Variants in CACNA2D1 observed in about 807,000 individuals in gnomAD.
The protein encoded by CACNA2D1 is voltage-dependent calcium channel subunit alpha-2/delta-1.
A neutral mutation model predicts 171.5 loss-of-function variants in CACNA2D1; 53 were observed. The observed-to-expected ratio is 0.31, with a 90% CI of 0.25 to 0.39. The LOEUF is 0.39. Ranked by LOEUF, CACNA2D1 falls within the 10% of genes least tolerant of loss-of-function variation. CACNA2D1 has a pLI of 1.00. For synonymous variants in CACNA2D1, 442 were observed against 443.1 expected (o/e 1.00, Z 0.03); for missense variants, 903 against 1,299.8 (o/e 0.69, Z 4.69).
At chr7:82,048,817 T>A (rs749208188) in intron 10 of CACNA2D1, among the ~76,000 whole-genome samples, 5 of 152,156 alleles carry the variant, frequency 3.3e-5, no homozygotes, top group East Asian at 1.9e-4. Flanking sequence ...AACTATAATT[T>A]AAAAAATTTC....
At chr7:82,350,363 C>G (rs959197123) in intron 1 of CACNA2D1, among the ~76,000 whole-genome samples, 1 of 152,104 alleles carries the variant, frequency 6.6e-6, no homozygotes, top group Non-Finnish European at 1.5e-5. Context: ...GAGCCTGAAG[C>G]TTAAGAATAT....
At chr7:82,049,055 G>T (rs1306067934) in intron 10 of CACNA2D1, among the ~76,000 whole-genome samples, 1 of 146,616 alleles carries the variant, frequency 6.8e-6, no homozygotes, top group Non-Finnish European at 1.5e-5. Context: ...AATACTTATT[G>T]TACTTGTCAA....
intron 3 of CACNA2D1, among the ~76,000 whole-genome samples, chr7:82,192,976 G>A (rs541250937): frequency 4.0e-5 from 6 of 151,818 alleles, no homozygotes; most frequent in African/African-American, 1.4e-4. Context: ...TATGAAGGTC[G>A]TCTTGAAAGC....
intron 12 of CACNA2D1, among the ~76,000 whole-genome samples, chr7:82,020,345 C>T (rs1801034001): frequency 6.6e-6 from 1 of 152,166 alleles, no homozygotes; most frequent in Non-Finnish European, 1.5e-5. Flanking sequence ...CATCTTGACT[C>T]TGCCACTTAG....
chr7:82,429,952 C>T (rs1240798021), intron 1 of CACNA2D1, among the ~76,000 whole-genome samples: 1 of 152,124 alleles, frequency 6.6e-6, no homozygotes, highest in Non-Finnish European at 1.5e-5. Flanking sequence ...CTTCCTGAGG[C>T]TTCATATGGC....
At chr7:81,953,862 C>A (rs1792894489) in intron 38 of CACNA2D1, among the ~76,000 whole-genome samples, 1 of 151,822 alleles carries the variant, frequency 6.6e-6, no homozygotes, top group Non-Finnish European at 1.5e-5. Flanking sequence ...TCTCTTTGGC[C>A]CTTATTTCAC....
intron 2 of CACNA2D1, 107 bp downstream of exon 2, chr7:82,349,461 G>T: frequency 2.2e-6 from 2 of 923,692 alleles, no homozygotes; most frequent in East Asian, 2.4e-5. Flanking sequence ...AGATCCACAT[G>T]AGAAATCATA....
chr7:82,061,086 G>A (rs890621331), intron 9 of CACNA2D1, among the ~76,000 whole-genome samples: 10 of 152,064 alleles, frequency 6.6e-5, no homozygotes, highest in Admixed American at 1.3e-4. Flanking sequence ...CTCAACTCTA[G>A]GCAACTAACC....
chr7:81,985,768 T>C (rs775222849), intron 21 of CACNA2D1, among the ~76,000 whole-genome samples: 12 of 152,158 alleles, frequency 7.9e-5, no homozygotes, highest in Non-Finnish European at 1.6e-4. Context: ...GTCTTGAGTT[T>C]TGTAGTTAAC....
intron 3 of CACNA2D1, among the ~76,000 whole-genome samples, chr7:82,330,614 T>A (rs997985893): frequency 1.3e-5 from 2 of 152,142 alleles, no homozygotes; most frequent in Admixed American, 6.6e-5. Flanking sequence ...TGAAAATTGT[T>A]TAAATACCAT....
intron 3 of CACNA2D1, among the ~76,000 whole-genome samples, chr7:82,186,252 AAGAAAGG>A (rs1317766647): frequency 2.2e-4 from 25 of 114,524 alleles, no homozygotes; most frequent in South Asian, 1.5e-3. Context: ...GGAAGGAAGG[AAGAAAGG>A]AAGGAAGGAA....
At position 82,055,828 on chromosome 7, in the gene CACNA2D1, G is replaced by A. The variant is rs538785816; in HGVS notation, c.879+4600C>T. Reference sequence around the variant, plus strand: ...ACCTAATGCTAAATGACGAGTTAATGGGTGCAGCACACCAACATGGCACAT... The same window carrying A: ...ACCTAATGCTAAATGACGAGTTAATAGGTGCAGCACACCAACATGGCACAT... On this transcript the variant is annotated intron_variant, in intron 10 of 38. Coordinates refer to ENST00000356860, the MANE Select transcript of CACNA2D1 (RefSeq NM_000722.4). Among the ~76,000 whole-genome samples, 9 of 147,006 alleles carry A rather than the reference G, an allele frequency of 6.1e-5. No homozygotes were observed. In the East Asian group the frequency reaches 6.2e-4, roughly 10 times the overall value.
intron 26 of CACNA2D1, among the ~76,000 whole-genome samples, chr7:81,971,402 G>A (rs1795256915): frequency 6.6e-6 from 1 of 151,540 alleles, no homozygotes; most frequent in Non-Finnish European, 1.5e-5. Context: ...AAAATGGGGT[G>A]GAGAAGAGAT....
intron 3 of CACNA2D1, among the ~76,000 whole-genome samples, chr7:82,205,180 C>T (rs1799885806): frequency 6.6e-6 from 1 of 152,136 alleles, no homozygotes; most frequent in South Asian, 2.1e-4. Context: ...CACCCACTCC[C>T]CTTGGTCCTT....
intron 1 of CACNA2D1, among the ~76,000 whole-genome samples, chr7:82,415,514 G>T (rs892669375): frequency 1.3e-5 from 2 of 151,766 alleles, no homozygotes; most frequent in Non-Finnish European, 2.9e-5. Context: ...TGGGCGACAA[G>T]AGTGAAACTC....
chr7:81,951,431 T>C (rs571089755), intron 38 of CACNA2D1, among the ~76,000 whole-genome samples: 11 of 152,172 alleles, frequency 7.2e-5, no homozygotes, highest in African/African-American at 2.6e-4. Flanking sequence ...ATTTCTGAGA[T>C]TTTGGTGCAC....
intron 3 of CACNA2D1, among the ~76,000 whole-genome samples, chr7:82,200,131 T>C (rs1487060863): frequency 6.6e-6 from 1 of 152,150 alleles, no homozygotes; most frequent in East Asian, 1.9e-4. Context: ...CAAACACACA[T>C]ATACGTATGT....
chr7:82,188,186 T>G (rs2129181636), intron 3 of CACNA2D1, among the ~76,000 whole-genome samples: 1 of 152,156 alleles, frequency 6.6e-6, no homozygotes, highest in African/African-American at 2.4e-5. Context: ...TTAGGTTTCA[T>G]CATAGGAATT....
intron 10 of CACNA2D1, among the ~76,000 whole-genome samples, chr7:82,053,609 G>A (rs1230864278): frequency 3.3e-5 from 5 of 152,166 alleles, no homozygotes; most frequent in Non-Finnish European, 7.3e-5. Flanking sequence ...GCTGGGACCA[G>A]TAATACCAGG....
Sources: allele counts gnomAD v4.1 joint callset (sites outside exome capture counted in the v4.1 genomes callset), GRCh38; gene constraint gnomAD v4.1.1; transcripts MANE v1.5; gene names NCBI Gene and HGNC (gene_info 2026-07-23, HGNC 2026-07-21).